Variants in PRRT1 observed in about 807,000 individuals in gnomAD.
PRRT1 encodes proline rich transmembrane protein 1.
A neutral mutation model predicts 22.6 loss-of-function variants in PRRT1; 8 were observed. The ratio of observed to expected loss-of-function variants is 0.35; its 90% confidence interval spans 0.21 to 0.64. The LOEUF (loss-of-function observed/expected upper bound fraction) is 0.64, where lower values mean the gene tolerates loss of function less well. Among genes scored for constraint, PRRT1 ranks in the 30% least tolerant of loss-of-function variants. The probability of loss-of-function intolerance (pLI) is 0.69; values close to 1 mark genes in which losing one functional copy is unlikely to be tolerated. For missense variants in PRRT1, 315 were observed against 444.5 expected, an observed-to-expected ratio of 0.71 and a Z score of 2.62; for synonymous variants, 176 against 203.6, an observed-to-expected ratio of 0.86 and a Z score of 1.15.
Position 32,148,475 on chromosome 6 carries a change from A to C in PRRT1, c.*747T>G. The stretch of plus-strand genomic sequence containing the variant: ...GGGAGCGGGGACTTGGGAGGTCCAT[A>C]GCCTGGATTCCCTTCTGCCCGGCTG... On this transcript the variant is annotated 3_prime_UTR_variant, in exon 4 of 4. Transcript: ENST00000211413. This position sits in a 1 kb window ranked among gnomAD's most constrained non-coding sequence, Gnocchi z 5.7. 1 of 277,188 alleles carries C rather than the reference A, an allele frequency of 3.6e-6. No homozygotes were observed. The highest frequency in any genetic ancestry group is 3.7e-5 in the South Asian group (1 of 26,910). The allele number at this position is 277,188 out of a possible 1,614,324, so 17.2% of individuals were successfully genotyped here. A position where few individuals can be genotyped will look rare whatever the true frequency, so the allele number is the denominator to read the frequency against.
At position 32,149,763 on chromosome 6, in the gene PRRT1, C is replaced by T. The variant is rs1783159696; in HGVS notation, c.559-41G>A. 2 of 1,309,066 alleles carry T rather than the reference C, an allele frequency of 1.5e-6. No homozygotes were observed. The highest frequency in any genetic ancestry group is 1.5e-5 in the African/African-American group (1 of 67,934). 81.1% of individuals were successfully genotyped at this position (1,309,066 alleles called of 1,614,324 possible). A position where few individuals can be genotyped will look rare whatever the true frequency, so the allele number is the denominator to read the frequency against. On this transcript the variant is annotated intron_variant, in intron 2 of 3. Coordinates refer to ENST00000211413, the MANE Select transcript of PRRT1 (RefSeq NM_030651.4). This position sits in a 1 kb window ranked among gnomAD's most constrained non-coding sequence, Gnocchi z 8.7. ...TGGGGGGCAGGGGCATCACTCTGAC[C>T]CTCTCCCAGCCTACCAGCGTTGGGC... is the stretch of plus-strand genomic sequence containing the variant.
At chr6:32,152,904 T>TG (rs1219281190), upstream of PRRT1, 1 of 151,822 alleles carries the variant, frequency 6.6e-6, no homozygotes, top group Non-Finnish European at 1.5e-5. Context: ...CACCAGTTTT[T>TG]TTTTTTTTTT....
chr6:32,151,656 A>G (rs976494038), intron 1 of PRRT1, 153 bp downstream of exon 1: 16 of 614,254 alleles, frequency 2.6e-5, no homozygotes, highest in Middle Eastern at 4.2e-4. Context: ...GGGAGACAGA[A>G]AGAGGAGGGG....
chr6:32,148,430 CG>C lies in PRRT1; in HGVS notation c.*791del. On this transcript the variant is annotated 3_prime_UTR_variant, in exon 4 of 4. Transcript: ENST00000211413. This position sits in a 1 kb window ranked among gnomAD's most constrained non-coding sequence, Gnocchi z 5.7. ...CACTCACACACAGATCAGAACAAGG[CG>C]GGGCCGCCGAGGGGAGCGGGGAGCG... 3.9e-6 allele frequency: 1 copy of C among 259,118 alleles called. No individual in the cohort carries two copies. Among genetic ancestry groups the C allele is most frequent in the Non-Finnish European group, 7.8e-6 (1 of 128,590 alleles). The allele number at this position is 259,118 out of a possible 1,614,324, so 16.1% of individuals were successfully genotyped here.
At chr6:32,151,024 T>C (rs2127378886) in intron 1 of PRRT1, 118 bp from the exon 2 acceptor site, 1 of 862,380 alleles carries the variant, frequency 1.2e-6, no homozygotes, top group South Asian at 1.4e-5. Context: ...GAGAGACACA[T>C]AGAGAGAGAC....
chr6:32,149,135 G>A lies in PRRT1; in HGVS notation c.*87C>T. 7.2e-7 allele frequency: 1 copy of A among 1,381,462 alleles called. No individual in the cohort carries two copies. The highest frequency in any genetic ancestry group is 1.0e-6 in the Non-Finnish European group (1 of 984,168). 85.6% of individuals were successfully genotyped at this position (1,381,462 alleles called of 1,614,324 possible). ...GTCTGACGGCCCCAGAAACGGGTGT[G>A]CAGGGCGCCCATTGGGTCCGCGGTA... On this transcript the variant is annotated 3_prime_UTR_variant, in exon 4 of 4. Coordinates refer to ENST00000211413, the MANE Select transcript of PRRT1 (RefSeq NM_030651.4). The surrounding 1 kb of genome is among the most constrained non-coding windows in gnomAD (Gnocchi z 8.7).
upstream of PRRT1, among the ~76,000 whole-genome samples, chr6:32,152,504 G>A (rs918003212): frequency 3.9e-5 from 6 of 152,174 alleles, no homozygotes; most frequent in African/African-American, 1.4e-4. Flanking sequence ...CTGTAAATCA[G>A]GGGGAGCTGG....
Position 32,148,638 on chromosome 6 carries a change from C to A in PRRT1, c.*584G>T. 1 of 363,694 alleles carries A rather than the reference C, an allele frequency of 2.7e-6. No homozygotes were observed. The highest frequency in any genetic ancestry group is 5.5e-6 in the Non-Finnish European group (1 of 182,776). 22.5% of individuals were successfully genotyped at this position (363,694 alleles called of 1,614,324 possible). On this transcript the variant is annotated 3_prime_UTR_variant, in exon 4 of 4. Coordinates refer to ENST00000211413, the MANE Select transcript of PRRT1 (RefSeq NM_030651.4). The surrounding 1 kb of genome is among the most constrained non-coding windows in gnomAD (Gnocchi z 5.7). ...GCAAAAGGAAAGGTTCTGGGATTAGCAAGAAAATAGGCAGATACCTGGGTG... is the reference window on the plus strand; with the variant it reads ...GCAAAAGGAAAGGTTCTGGGATTAGAAAGAAAATAGGCAGATACCTGGGTG...
chr6:32,149,757 T>C lies in PRRT1; in HGVS notation c.559-35A>G. 1 of 1,365,228 alleles carries C rather than the reference T, an allele frequency of 7.3e-7. No individual in the cohort carries two copies. The highest frequency in any genetic ancestry group is 9.9e-7 in the Non-Finnish European group (1 of 1,008,528). 84.6% of individuals were successfully genotyped at this position (1,365,228 alleles called of 1,614,324 possible). ...GAAATTTGGGGGGCAGGGGCATCAC[T>C]CTGACCCTCTCCCAGCCTACCAGCG... On this transcript the variant is annotated intron_variant, in intron 2 of 3. Transcript: ENST00000211413. The surrounding 1 kb of genome is among the most constrained non-coding windows in gnomAD (Gnocchi z 8.7).
In PRRT1 at chr6:32,150,521, C is replaced by G. The variant is rs1050233498; in HGVS notation, c.405G>C (p.Pro135=). The change falls in exon 2 of 4, where the codon CCG becomes CCC. Residue 135 remains proline, a synonymous_variant. Coordinates refer to ENST00000211413, the MANE Select transcript of PRRT1 (RefSeq NM_030651.4). The surrounding 1 kb of genome is among the most constrained non-coding windows in gnomAD (Gnocchi z 7.2). ...GGGCCTGGGCAGTCTGGGCTGGCGC[C>G]GGCGGGGGCGGGGCGGCGGCAGCGG... ...PPPAAAAPPP[P]APAQTAQAPG... is the part of the protein sequence containing the mutation. The G allele has an allele frequency of 5.6e-5, 78 of 1,382,542 alleles. No homozygotes were observed. Among genetic ancestry groups the G allele is most frequent in the Non-Finnish European group, 6.8e-5 (73 of 1,070,804 alleles). The allele number at this position is 1,382,542 out of a possible 1,614,324, so 85.6% of individuals were successfully genotyped here.
chr6:32,148,794 A>G lies in PRRT1; in HGVS notation c.*428T>C. The G allele has an allele frequency of 2.1e-6, 1 of 480,640 alleles. No homozygotes were observed. Among genetic ancestry groups the G allele is most frequent in the Non-Finnish European group, 4.1e-6 (1 of 243,328 alleles). The allele number at this position is 480,640 out of a possible 1,614,324, so 29.8% of individuals were successfully genotyped here. ...GGCGAGGCCTGGAGCCACAAACCCA[A>G]TCACTGGACTGAATCACCCCGCGGA... On this transcript the variant is annotated 3_prime_UTR_variant, in exon 4 of 4. Coordinates refer to ENST00000211413, the MANE Select transcript of PRRT1 (RefSeq NM_030651.4). The surrounding 1 kb of genome is among the most constrained non-coding windows in gnomAD (Gnocchi z 5.7).
At position 32,149,460 on chromosome 6, in the gene PRRT1, CT is replaced by C; in HGVS notation, c.745-63del. On this transcript the variant is annotated intron_variant, in intron 3 of 3. Coordinates refer to ENST00000211413, the MANE Select transcript of PRRT1 (RefSeq NM_030651.4). This position sits in a 1 kb window ranked among gnomAD's most constrained non-coding sequence, Gnocchi z 8.7. ...TGCGGCCTCGTTCGAACGCCTCAGC[CT>C]TTCTCTAAGATGGTCCCCAGAACGC... 1.2e-6 allele frequency: 2 copies of C among 1,600,854 alleles called. No homozygotes were observed. Among genetic ancestry groups the C allele is most frequent in the Non-Finnish European group, 1.7e-6 (2 of 1,172,688 alleles).
At position 32,150,815 on chromosome 6, in the gene PRRT1, G is replaced by A. The variant is rs1307680213; in HGVS notation, c.111C>T (p.Ala37=). The change falls in exon 2 of 4, where the codon GCC becomes GCT. Residue 37 remains alanine (A), a synonymous_variant. Coordinates refer to ENST00000211413, the MANE Select transcript of PRRT1 (RefSeq NM_030651.4). The surrounding 1 kb of genome is among the most constrained non-coding windows in gnomAD (Gnocchi z 7.2). ...GGTGGTGGTGATGGTGTGAGGAAGG[G>A]GCTGCCTGTGGCGGTGGGGCTGGGG... ...AEPPAPPPQA[A]PSSHHHHHHH... is the part of the protein sequence containing the mutation. 6.3e-7 allele frequency: 1 copy of A among 1,575,672 alleles called. No homozygotes were observed. The highest frequency in any genetic ancestry group is 8.6e-7 in the Non-Finnish European group (1 of 1,162,222).
rs1783235930 is a variant in PRRT1, at chr6:32,150,957, G to T, written c.20-51C>A. On this transcript the variant is annotated intron_variant, in intron 1 of 3. Transcript: ENST00000211413. The surrounding 1 kb of genome is among the most constrained non-coding windows in gnomAD (Gnocchi z 7.2). ...ATAAGAGGAAAGATGACACAGTGAT[G>T]AGTTGAGGAGGGGGTAAGGGGAAAC... The T allele has an allele frequency of 1.4e-6, 2 of 1,433,820 alleles. No individual in the cohort carries two copies. Among genetic ancestry groups the T allele is most frequent in the Admixed American group, 2.0e-5 (1 of 50,852 alleles). 88.8% of individuals were successfully genotyped at this position (1,433,820 alleles called of 1,614,324 possible). A position where few individuals can be genotyped will look rare whatever the true frequency, so the allele number is the denominator to read the frequency against.
rs1582581665 is a variant in PRRT1 at position 32,148,884 on chromosome 6, A to T, written c.*338T>A. On this transcript the variant is annotated 3_prime_UTR_variant, in exon 4 of 4. Transcript: ENST00000211413. The surrounding 1 kb of genome is among the most constrained non-coding windows in gnomAD (Gnocchi z 5.7). ...TTTTGTCAGAGCTGGGGCGGTGCTT[A>T]TAGAGGAGGCGGGGTTTTAGGGACC... 1.7e-6 allele frequency: 1 copy of T among 590,202 alleles called. No individual in the cohort carries two copies. Among genetic ancestry groups the T allele is most frequent in the South Asian group, 1.5e-5 (1 of 65,720 alleles). The allele number at this position is 590,202 out of a possible 1,614,324, so 36.6% of individuals were successfully genotyped here. A position where few individuals can be genotyped will look rare whatever the true frequency, so the allele number is the denominator to read the frequency against.
At position 32,149,696 on chromosome 6, in the gene PRRT1, TC is replaced by T. The variant is rs1280869089; in HGVS notation, c.584del (p.Gly195GlufsTer4). On this transcript the variant is annotated frameshift_variant, in exon 3 of 4. Transcript: ENST00000211413. LOFTEE classifies it high-confidence loss of function. This position sits in a 1 kb window ranked among gnomAD's most constrained non-coding sequence, Gnocchi z 8.7. ...GTPYAGGTPG[G>X]TGVTSTLPPP... ...GGGGGAGAGTGGAGGTCACTCCTGT[TC>T]CCCCCGGGGTCCCGCCTGCATATGG... The T allele has an allele frequency of 6.2e-7, 1 of 1,601,666 alleles. No homozygotes were observed. The highest frequency in any genetic ancestry group is 8.5e-7 in the Non-Finnish European group (1 of 1,174,444).
Position 32,150,392 on chromosome 6 carries a change from G to A in PRRT1, c.534C>T (p.Tyr178=). ...YPLQLQPCTA[Y]VPVYPVGTPY... ...CCGTGCCCACCGGGTAGACCGGCAC[G>A]TAAGCAGTGCAAGGCTGCAGCTGCA... is the stretch of plus-strand genomic sequence containing the variant. Residue 178 remains tyrosine (Y), a synonymous_variant, in exon 2 of 4, where the codon TAC becomes TAT. Coordinates refer to ENST00000211413, the MANE Select transcript of PRRT1 (RefSeq NM_030651.4). This position sits in a 1 kb window ranked among gnomAD's most constrained non-coding sequence, Gnocchi z 7.2. 2 of 1,552,742 alleles carry A rather than the reference G, an allele frequency of 1.3e-6. No individual in the cohort carries two copies. The highest frequency in any genetic ancestry group is 2.6e-5 in the East Asian group (1 of 38,602).
At position 32,150,273 on chromosome 6, in the gene PRRT1, T is replaced by C; in HGVS notation, c.558+95A>G. On this transcript the variant is annotated intron_variant, in intron 2 of 3. Transcript: ENST00000211413. The surrounding 1 kb of genome is among the most constrained non-coding windows in gnomAD (Gnocchi z 7.2). ...GGGAACACTACCTGTTCCCTGCCCT[T>C]GTTCCTCTATCCTACCAGCCCCCAG... 1 of 1,433,952 alleles carries C rather than the reference T, an allele frequency of 7.0e-7. No homozygotes were observed. The highest frequency in any genetic ancestry group is 9.2e-7 in the Non-Finnish European group (1 of 1,089,220). 88.8% of individuals were successfully genotyped at this position (1,433,952 alleles called of 1,614,324 possible).
chr6:32,148,933 G>A lies in PRRT1; in HGVS notation c.*289C>T, dbSNP rs1222386120. ...CCAAACCGAGGTTGCTCGGTTGGGGGCGCTACACTTTGAGGGTGAGGGGGC... is the reference window on the plus strand; with the variant it reads ...CCAAACCGAGGTTGCTCGGTTGGGGACGCTACACTTTGAGGGTGAGGGGGC... On this transcript the variant is annotated 3_prime_UTR_variant, in exon 4 of 4. Transcript: ENST00000211413. This position sits in a 1 kb window ranked among gnomAD's most constrained non-coding sequence, Gnocchi z 5.7. The A allele has an allele frequency of 1.5e-6, 1 of 677,694 alleles. No homozygotes were observed. Among genetic ancestry groups the A allele is most frequent in the South Asian group, 1.5e-5 (1 of 66,516 alleles). 42.0% of individuals were successfully genotyped at this position (677,694 alleles called of 1,614,324 possible). A position where few individuals can be genotyped will look rare whatever the true frequency, so the allele number is the denominator to read the frequency against.
Sources: gnomAD v4.1 joint callset for allele counts (sites outside exome capture counted in the v4.1 genomes callset) on GRCh38, gnomAD v4.1.1 for gene constraint, Gnocchi (gnomAD v3.1) non-coding constraint, MANE v1.5 for transcripts, NCBI Gene and HGNC (gene_info 2026-07-23, HGNC 2026-07-21) for gene names.